OR4K14: variants seen among roughly 807,000 people sequenced by gnomAD.
OR4K14 encodes olfactory receptor 4K14.
For synonymous variants in OR4K14, 153 were observed against 141.5 expected (o/e 1.08, Z -0.58); for missense variants, 406 against 373.6 (o/e 1.09, Z -0.72).
intron 1 of OR4K14, among the ~76,000 whole-genome samples, chr14:20,016,153 A>ATTATTATTATGATT (rs372945197): frequency 8.1e-6 from 1 of 123,666 alleles, no homozygotes; most frequent in Non-Finnish European, 1.8e-5. Context: ...GTACATTATT[A>ATTATTATTATGATT]AGTGTCTCTT....
chr14:20,016,740 A>G (rs1289639009), intron 1 of OR4K14, among the ~76,000 whole-genome samples: 1 of 152,132 alleles, frequency 6.6e-6, no homozygotes, highest in East Asian at 1.9e-4. Flanking sequence ...AATATGCTGG[A>G]AATATGGGCC....
intron 1 of OR4K14, among the ~76,000 whole-genome samples, 177 bp downstream of exon 1, chr14:20,018,966 C>A (rs1877153385): frequency 6.6e-6 from 1 of 151,544 alleles, no homozygotes; most frequent in Non-Finnish European, 1.5e-5. Flanking sequence ...GTATACAAAC[C>A]AATGGTGTTT....
At chr14:20,016,522 G>A (rs1877103408) in intron 1 of OR4K14, among the ~76,000 whole-genome samples, 1 of 152,054 alleles carries the variant, frequency 6.6e-6, no homozygotes, top group Non-Finnish European at 1.5e-5. Flanking sequence ...TATCTCTGAG[G>A]AAAATTTGAT....
Position 20,015,091 on chromosome 14 carries a change from A to T in OR4K14, c.103T>A (p.Tyr35Asn). ...NFFFIFFFGV[Y>N]VAIMLGNLLI... Reference sequence around the variant, plus strand: ...AGGTTACCCAGCATAATGGCCACATAGACCCCAAAGAAAAATATAAAGAAA... The same window carrying T: ...AGGTTACCCAGCATAATGGCCACATTGACCCCAAAGAAAAATATAAAGAAA... The change falls in exon 2 of 2, where the codon TAT becomes AAT. Residue 35 changes from tyrosine (Y) to asparagine (N), a missense_variant. Tyr to Asn is a moderately radical substitution (Grantham distance 143). Transcript: ENST00000641793. The T allele has an allele frequency of 1.2e-6, 2 of 1,613,854 alleles. No individual in the cohort carries two copies. The highest frequency in any genetic ancestry group is 1.7e-6 in the Non-Finnish European group (2 of 1,179,738).
chr14:20,014,542 A>G lies in OR4K14; in HGVS notation c.652T>C (p.Ser218Pro), dbSNP rs916671694. The G allele has an allele frequency of 6.2e-7, 1 of 1,614,052 alleles. No individual in the cohort carries two copies. The change falls in exon 2 of 2, where the codon TCC becomes CCC. Residue 218 changes from serine to proline, a missense_variant. Transcript: ENST00000641793. ...SLSCFLLLLI[S>P]YTVILLAIRQ... ...ATAGCGAGGAGGATCACGGTGTAGG[A>G]GATCAGGAGGAGCAGAAAACAGCTC...
intron 1 of OR4K14, among the ~76,000 whole-genome samples, 155 bp from the exon 2 acceptor site, chr14:20,015,377 G>A (rs1877075842): frequency 6.6e-6 from 1 of 152,110 alleles, no homozygotes; most frequent in Non-Finnish European, 1.5e-5. Context: ...AAGTAAAATG[G>A]TGGTTACCAG....
rs374172388 is a variant in OR4K14, at chr14:20,014,500, C to T, written c.694G>A (p.Gly232Ser). Residue 232 changes from glycine (G) to serine (S), a missense_variant, in exon 2 of 2, where the codon GGT (glycine) becomes AGT (serine). Coordinates refer to ENST00000641793, the MANE Select transcript of OR4K14 (RefSeq NM_001004712.2). ...GTGGAGAGTGCTTTGGATGTGCTAC[C>T]GGCAGCACGCTGTCTGATAGCGAGG... Reference protein sequence around the residue: ...ILLAIRQRAAGSTSKALSTCS... With the variant: ...ILLAIRQRAASSTSKALSTCS... 1.6e-5 allele frequency: 26 copies of T among 1,613,876 alleles called. No individual in the cohort carries two copies. Among genetic ancestry groups the T allele is most frequent in the Middle Eastern group, 1.6e-4 (1 of 6,082 alleles).
At chr14:20,017,938 A>G (rs975996065) in intron 1 of OR4K14, among the ~76,000 whole-genome samples, 4 of 152,026 alleles carry the variant, frequency 2.6e-5, no homozygotes, top group African/African-American at 9.7e-5. Context: ...TTTATGAGCA[A>G]TAAACTGGAG....
rs779763415 is a variant in OR4K14 at position 20,014,833 on chromosome 14, A to C, written c.361T>G (p.Tyr121Asp). Reference protein sequence around the residue: ...AEMVLLVSMAYDRYVAICKPL... With the variant: ...AEMVLLVSMADDRYVAICKPL... ...TTGCATATGGCCACATATCTGTCAT[A>C]GGCCATGGAAACCAGGAGCACCATC... Residue 121 changes from tyrosine (Y) to aspartate (D), a missense_variant, in exon 2 of 2, where the codon TAT becomes GAT. By Grantham distance (160) the Tyr-to-Asp change is radical (BLOSUM62 -3). Transcript: ENST00000641793. 5.6e-6 allele frequency: 9 copies of C among 1,613,934 alleles called. No homozygotes were observed. Among genetic ancestry groups the C allele is most frequent in the Admixed American group, 3.3e-5 (2 of 60,000 alleles).
rs750024813 is a variant in OR4K14 at position 20,014,938 on chromosome 14, A to C, written c.256T>G (p.Phe86Val). Residue 86 changes from phenylalanine (F) to valine (V), a missense_variant, in exon 2 of 2, where the codon TTC becomes GTC. Transcript: ENST00000641793. ...GAGATGAGTTTTTGATCACTAAGGA[A>C]ATCCCTGATCATCTTGGGAGTGGCA... is the stretch of plus-strand genomic sequence containing the variant. ...SFATPKMIRD[F>V]LSDQKLISFG... is the part of the protein sequence containing the mutation. 4.3e-6 allele frequency: 7 copies of C among 1,614,124 alleles called. No homozygotes were observed. In the South Asian group the frequency reaches 7.7e-5, roughly 18 times the overall value.
Position 20,014,315 on chromosome 14 carries a change from C to T in OR4K14, c.879G>A (p.Glu293=), listed in dbSNP as rs1406967699. Residue 293 remains glutamate (E), a synonymous_variant, in exon 2 of 2, where the codon GAG becomes GAA. Transcript: ENST00000641793. ...LNPIIYTLRN[E]EMKAAMKKLQ... ...GTTTCTTCATAGCTGCTTTCATCTC[C>T]TCATTTCTCAATGTGTAGATAATGG... 15 of 1,612,274 alleles carry T rather than the reference C, an allele frequency of 9.3e-6. No homozygotes were observed. The highest frequency in any genetic ancestry group is 1.3e-5 in the African/African-American group (1 of 74,912).
At chr14:20,016,463 T>C (rs1877102357) in intron 1 of OR4K14, among the ~76,000 whole-genome samples, 1 of 152,036 alleles carries the variant, frequency 6.6e-6, no homozygotes. Flanking sequence ...GTCTCATTTA[T>C]TGTGTTATAT....
At position 20,014,435 on chromosome 14, in the gene OR4K14, G is replaced by C; in HGVS notation, c.759C>G (p.Gly253=). 1 of 1,614,070 alleles carries C rather than the reference G, an allele frequency of 6.2e-7. No individual in the cohort carries two copies. The highest frequency in any genetic ancestry group is 1.1e-5 in the South Asian group (1 of 91,076). Residue 253 remains glycine (G), a synonymous_variant, in exon 2 of 2, where the codon GGC becomes GGG. Coordinates refer to ENST00000641793, the MANE Select transcript of OR4K14 (RefSeq NM_001004712.2). ...AHIMVVTLFF[G]PCIFVYVRPF... The stretch of plus-strand genomic sequence containing the variant: ...GCCGCACATAAACAAAAATGCAAGG[G>C]CCAAAGAACAGCGTCACTACCATGA...
chr14:20,015,032 G>A lies in OR4K14; in HGVS notation c.162C>T (p.Cys54=). The change falls in exon 2 of 2, where the codon TGC becomes TGT. Residue 54 remains cysteine, a synonymous_variant. Coordinates refer to ENST00000641793, the MANE Select transcript of OR4K14 (RefSeq NM_001004712.2). ...LILVTVISDP[C]LHSSPMYFLL... ...GGAAGTACATAGGGGAGGAGTGCAG[G>A]CAGGGATCAGAAATTACAGTGACCA... 3 of 1,614,044 alleles carry A rather than the reference G, an allele frequency of 1.9e-6. No homozygotes were observed. The highest frequency in any genetic ancestry group is 2.2e-5 in the South Asian group (2 of 91,074).
intron 1 of OR4K14, among the ~76,000 whole-genome samples, chr14:20,018,596 T>C (rs568096113): frequency 1.3e-5 from 2 of 152,032 alleles, no homozygotes; most frequent in Non-Finnish European, 2.9e-5. Flanking sequence ...TTGTATTTAA[T>C]ATACTTTTTA....
chr14:20,016,282 A>G (rs1023574010), intron 1 of OR4K14, among the ~76,000 whole-genome samples: 3 of 150,756 alleles, frequency 2.0e-5, no homozygotes, highest in African/African-American at 7.3e-5. Flanking sequence ...TCCTGAATCC[A>G]AGAGAAGGAA....
At chr14:20,015,899 CT>C (rs1007523944) in intron 1 of OR4K14, among the ~76,000 whole-genome samples, 6 of 150,434 alleles carry the variant, frequency 4.0e-5, no homozygotes, top group African/African-American at 7.3e-5. Context: ...GTTGTAGGAA[CT>C]TTTTTTTTCC....
rs1214881717 is a variant in OR4K14 at position 20,014,672 on chromosome 14, C to T, written c.522G>A (p.Glu174=). 6.2e-7 allele frequency: 1 copy of T among 1,614,022 alleles called. No individual in the cohort carries two copies. The highest frequency in any genetic ancestry group is 1.7e-5 in the Admixed American group (1 of 60,008). The change falls in exon 2 of 2, where the codon GAG becomes GAA. Residue 174 remains glutamate, a synonymous_variant. Transcript: ENST00000641793. The part of the protein sequence containing the change: ...TVNLPYCGPN[E]VDSFFCDLPL... ...GGAGGTCACAGAAGAAGCTGTCTAC[C>T]TCATTGGGGCCACAGTAAGGCAAAT... is the stretch of plus-strand genomic sequence containing the variant.
At chr14:20,019,067 AATAAT>A (rs1372562439) in intron 1 of OR4K14, 71 bp downstream of exon 1, 4 of 150,958 alleles carry the variant, frequency 2.6e-5, no homozygotes, top group Non-Finnish European at 4.4e-5. Context: ...TAATATATAA[AATAAT>A]ATAACAATTA....
Sources: allele counts gnomAD v4.1 joint callset (sites outside exome capture counted in the v4.1 genomes callset), GRCh38; gene constraint gnomAD v4.1.1; transcripts MANE v1.5; gene names NCBI Gene and HGNC (gene_info 2026-07-23, HGNC 2026-07-21).